The following POU6F2 variants were observed in gnomAD, a reference collection of about 807,000 sequenced individuals.
The protein encoded by POU6F2 is POU domain, class 6, transcription factor 2.
In POU6F2, 31 loss-of-function variants were observed where a neutral mutation model predicts 71.3. The ratio of observed to expected loss-of-function variants is 0.43; its 90% CI spans 0.33 to 0.59. The LOEUF (loss-of-function observed/expected upper bound fraction) is 0.59. Among genes scored for constraint, POU6F2 ranks in the 20% least tolerant of loss-of-function variants. The pLI is 0.04. For synonymous variants in POU6F2, 347 were observed against 355.7 expected, an observed-to-expected ratio of 0.98 and a Z score of 0.27; for missense variants, 783 against 856.8, an observed-to-expected ratio of 0.91 and a Z score of 1.07.
In POU6F2 at chr7:39,329,779, T is replaced by G. The variant is rs574923224; in HGVS notation, c.599-9863T>G. 3.3e-4 allele frequency among the ~76,000 whole-genome samples: 50 copies of G among 152,294 alleles called. No homozygotes were observed. In the South Asian group the frequency reaches 6.6e-3, roughly 20 times the overall value. Reference sequence around the variant, plus strand: ...CCCTCCTGGTTTTTCTTGGGAGCCCTTCTTTAAATCATTTGCACTCAAATC... The same window carrying G: ...CCCTCCTGGTTTTTCTTGGGAGCCCGTCTTTAAATCATTTGCACTCAAATC... On this transcript the variant is annotated intron_variant, in intron 4 of 9. Coordinates refer to ENST00000518318, the MANE Select transcript of POU6F2 (RefSeq NM_001370959.1).
intron 4 of POU6F2, among the ~76,000 whole-genome samples, chr7:39,236,139 G>A (rs534737939): frequency 3.4e-4 from 51 of 152,056 alleles, no homozygotes; most frequent in Non-Finnish European, 5.3e-4. Flanking sequence ...AGGACTCAAA[G>A]GTAAGACTCA....
At chr7:39,003,303 G>A (rs1371390626) in intron 1 of POU6F2, among the ~76,000 whole-genome samples, 2 of 151,510 alleles carry the variant, frequency 1.3e-5, no homozygotes, top group South Asian at 2.1e-4. Flanking sequence ...GCAAAAAGAC[G>A]ATTTTTGAAA....
At chr7:39,126,652 G>T (rs1792143438) in intron 2 of POU6F2, among the ~76,000 whole-genome samples, 1 of 152,110 alleles carries the variant, frequency 6.6e-6, no homozygotes, top group Admixed American at 6.5e-5. Flanking sequence ...CAACAAAGAT[G>T]GTCCAAATTC....
intron 1 of POU6F2, among the ~76,000 whole-genome samples, chr7:39,017,671 C>A (rs1204191289): frequency 2.6e-5 from 4 of 152,146 alleles, no homozygotes; most frequent in Admixed American, 2.6e-4. Context: ...CCATACCGGG[C>A]GTTCCTGCAG....
intron 2 of POU6F2, among the ~76,000 whole-genome samples, chr7:39,173,164 T>G (rs1043220687): frequency 1.3e-5 from 2 of 152,244 alleles, no homozygotes; most frequent in African/African-American, 4.8e-5. Context: ...GTGTTAGAAA[T>G]GGACCTACGC....
chr7:39,117,438 T>G (rs1400293857), intron 2 of POU6F2, among the ~76,000 whole-genome samples: 1 of 152,150 alleles, frequency 6.6e-6, no homozygotes, highest in East Asian at 1.9e-4. Flanking sequence ...TTCTTCACTG[T>G]CTTCTGAAAC....
chr7:39,164,181 T>C (rs1205904274), intron 2 of POU6F2, among the ~76,000 whole-genome samples: 2 of 151,886 alleles, frequency 1.3e-5, no homozygotes, highest in African/African-American at 2.4e-5. Flanking sequence ...TTTCAAAACA[T>C]GTTGTATATA....
At chr7:39,285,909 C>T (rs758435015) in intron 4 of POU6F2, among the ~76,000 whole-genome samples, 10 of 152,108 alleles carry the variant, frequency 6.6e-5, no homozygotes, top group Non-Finnish European at 1.0e-4. Flanking sequence ...GCATTTATTC[C>T]CAGAAGGGAG....
chr7:39,288,210 G>T (rs1297932608), intron 4 of POU6F2, among the ~76,000 whole-genome samples: 1 of 151,976 alleles, frequency 6.6e-6, no homozygotes, highest in Non-Finnish European at 1.5e-5. Flanking sequence ...ACAATTCAGG[G>T]GACTATTTAT....
chr7:39,336,672 A>C (rs1450651995), intron 4 of POU6F2, among the ~76,000 whole-genome samples: 2 of 152,130 alleles, frequency 1.3e-5, no homozygotes, highest in Non-Finnish European at 2.9e-5. Flanking sequence ...ACATACCTGG[A>C]GGTATGTGAA....
At chr7:39,277,522 G>A (rs994196694) in intron 4 of POU6F2, among the ~76,000 whole-genome samples, 3 of 152,108 alleles carry the variant, frequency 2.0e-5, no homozygotes, top group South Asian at 2.1e-4. Context: ...TTCTATTTCC[G>A]CAAAAAGCAA....
chr7:39,034,557 G>A (rs1790017255), intron 1 of POU6F2: 2 of 363,882 alleles, frequency 5.5e-6, no homozygotes, highest in Non-Finnish European at 1.2e-5. Context: ...GGTTCGCTCT[G>A]GGCTTTGATG....
intron 2 of POU6F2, among the ~76,000 whole-genome samples, chr7:39,119,223 A>G (rs1168851309): frequency 6.6e-6 from 1 of 152,192 alleles, no homozygotes; most frequent in Admixed American, 6.5e-5. Flanking sequence ...TGCCCCTGGG[A>G]AAAGGGCACA....
At chr7:39,096,732 C>T (rs1791462153) in intron 2 of POU6F2, among the ~76,000 whole-genome samples, 1 of 145,054 alleles carries the variant, frequency 6.9e-6, no homozygotes, top group Non-Finnish European at 1.5e-5. Context: ...TTTGGTAATA[C>T]ACTTTTGCAG....
intron 6 of POU6F2, among the ~76,000 whole-genome samples, chr7:39,427,033 T>C (rs1482099682): frequency 2.6e-5 from 4 of 152,202 alleles, no homozygotes; most frequent in Non-Finnish European, 5.9e-5. Flanking sequence ...GTAAACAATT[T>C]CCACTTTAAA....
chr7:39,246,665 TTAATAAATATCAGCTA>T (rs2128752116), intron 4 of POU6F2, among the ~76,000 whole-genome samples: 1 of 152,282 alleles, frequency 6.6e-6, no homozygotes, highest in East Asian at 1.9e-4. Context: ...TCTCAATGGT[TTAATAAATATCAGCTA>T]TAACCACCAT....
intron 2 of POU6F2, among the ~76,000 whole-genome samples, chr7:39,105,951 G>T (rs1384870655): frequency 6.6e-6 from 1 of 152,120 alleles, no homozygotes; most frequent in Non-Finnish European, 1.5e-5. Context: ...GTGGGGAGGT[G>T]GGTAGGGTAC....
At chr7:39,283,944 C>G (rs73695247) in intron 4 of POU6F2, among the ~76,000 whole-genome samples, 10,440 of 152,166 alleles carry the variant, frequency 0.069, 481 homozygotes, top group South Asian at 0.19. Flanking sequence ...CAAGAGGATG[C>G]AAACGCTTAA....
At position 39,012,581 on chromosome 7, in the gene POU6F2, T is replaced by C. The variant is rs1467559508; in HGVS notation, c.105+34523T>C. Among the ~76,000 whole-genome samples, 5 of 152,070 alleles carry C rather than the reference T, an allele frequency of 3.3e-5. No homozygotes were observed. In the East Asian group the frequency reaches 7.7e-4, roughly 23 times the overall value. On this transcript the variant is annotated intron_variant, in intron 1 of 9. Coordinates refer to ENST00000518318, the MANE Select transcript of POU6F2 (RefSeq NM_001370959.1). The stretch of plus-strand genomic sequence containing the variant: ...GTTGCTGGTGAGGAACTGTGTTCCT[T>C]TAGAGGAGGAGAGGCGCTCTGCATT...
Sources: gnomAD v4.1 joint callset for allele counts (sites outside exome capture counted in the v4.1 genomes callset) on GRCh38, gnomAD v4.1.1 for gene constraint, MANE v1.5 for transcripts, NCBI Gene and HGNC (gene_info 2026-07-23, HGNC 2026-07-21) for gene names.